The following FARS2 variants were observed in gnomAD, a reference collection of about 807,000 sequenced individuals.
FARS2 encodes phenylalanine--tRNA ligase, mitochondrial.
Under a neutral mutation model 46.4 loss-of-function variants are expected in FARS2, and 40 were observed. The ratio of observed to expected loss-of-function variants is 0.86; its 90% CI spans 0.67 to 1.12. FARS2 has a LOEUF of 1.12. FARS2 is among the 50% of genes most tolerant of loss of function. The pLI is 0.00. For missense variants in FARS2, 513 were observed against 567.9 expected (o/e 0.90, Z 0.98); for synonymous variants, 234 against 214.9 (o/e 1.09, Z -0.78).
intron 6 of FARS2, among the ~76,000 whole-genome samples, chr6:5,657,980 T>G (rs919389714): frequency 1.3e-5 from 2 of 152,118 alleles, no homozygotes; most frequent in African/African-American, 4.8e-5. Flanking sequence ...TTGTGAAGAT[T>G]AGAAATAAGA....
chr6:5,689,101 T>C (rs4959351), intron 6 of FARS2, among the ~76,000 whole-genome samples: 59,360 of 151,972 alleles, frequency 0.39, 13,091 homozygotes, highest in Non-Finnish European at 0.5. Context: ...TTTTCTTCTT[T>C]ATTAGTCTTG....
At chr6:5,265,625 T>TA (rs1472756563) in intron 1 of FARS2, among the ~76,000 whole-genome samples, 1 of 152,236 alleles carries the variant, frequency 6.6e-6, no homozygotes, top group East Asian at 1.9e-4. Context: ...CAATTTAAGT[T>TA]ACTGTTGTTG....
intron 1 of FARS2, among the ~76,000 whole-genome samples, chr6:5,299,166 G>T (rs537586042): frequency 6.6e-6 from 1 of 152,274 alleles, no homozygotes; most frequent in East Asian, 1.9e-4. Flanking sequence ...GGTTTTGATG[G>T]CAGTTTCATT....
intron 5 of FARS2, among the ~76,000 whole-genome samples, 173 bp downstream of exon 5, chr6:5,545,513 A>G (rs565607563): frequency 1.8e-4 from 27 of 152,266 alleles, no homozygotes; most frequent in Admixed American, 7.2e-4. Flanking sequence ...GCATAGGTAT[A>G]CGTGTGCCAT....
intron 5 of FARS2, among the ~76,000 whole-genome samples, chr6:5,573,740 C>A (rs1473938119): frequency 6.6e-6 from 1 of 152,126 alleles, no homozygotes; most frequent in African/African-American, 2.4e-5. Context: ...GAACACTTTC[C>A]AGGCATGGGA....
chr6:5,658,463 T>C (rs889691988), intron 6 of FARS2, among the ~76,000 whole-genome samples: 1 of 152,164 alleles, frequency 6.6e-6, no homozygotes, highest in African/African-American at 2.4e-5. Context: ...CACTGAGCTA[T>C]TCAAATGTAC....
At chr6:5,503,403 CACAGAGAGAGAGAGAG>C (rs1767922989) in intron 4 of FARS2, among the ~76,000 whole-genome samples, 2 of 74,302 alleles carry the variant, frequency 2.7e-5, no homozygotes, top group Admixed American at 2.6e-4. Flanking sequence ...CACACACACA[CACAGAGAGAGAGAGAG>C]AGAGAGAGAG....
intron 4 of FARS2, among the ~76,000 whole-genome samples, chr6:5,435,017 T>C (rs1326189401): frequency 2.6e-5 from 4 of 152,194 alleles, no homozygotes; most frequent in Non-Finnish European, 5.9e-5. Context: ...TTAACCATGA[T>C]AACAAGGTTC....
At chr6:5,365,264 G>A (rs893887261) in intron 1 of FARS2, among the ~76,000 whole-genome samples, 3 of 146,498 alleles carry the variant, frequency 2.0e-5, no homozygotes, top group African/African-American at 7.5e-5. Context: ...GGTCCTTGCA[G>A]AGATACCATT....
intron 6 of FARS2, among the ~76,000 whole-genome samples, chr6:5,732,323 T>G (rs1319876287): frequency 6.6e-6 from 1 of 152,070 alleles, no homozygotes; most frequent in Non-Finnish European, 1.5e-5. Flanking sequence ...TGGAGGGCAG[T>G]GACCCAGGTG....
At chr6:5,392,522 G>C (rs1760583251) in intron 2 of FARS2, among the ~76,000 whole-genome samples, 1 of 151,958 alleles carries the variant, frequency 6.6e-6, no homozygotes, top group African/African-American at 2.4e-5. Context: ...GGGTTTGATA[G>C]GAGAGTTATA....
chr6:5,674,193 T>TAAAA (rs71540878), intron 6 of FARS2, among the ~76,000 whole-genome samples: 112 of 76,240 alleles, frequency 1.5e-3, no homozygotes, highest in East Asian at 3.0e-3. Flanking sequence ...GCATTCTCAT[T>TAAAA]AAAAAAAAAA....
At chr6:5,715,011 C>T (rs1224923154) in intron 6 of FARS2, among the ~76,000 whole-genome samples, 6 of 152,030 alleles carry the variant, frequency 3.9e-5, no homozygotes, top group East Asian at 1.9e-4. Context: ...GGCAACAGAG[C>T]GAGATTTCAT....
intron 6 of FARS2, among the ~76,000 whole-genome samples, chr6:5,644,649 C>G (rs1776988461): frequency 6.6e-6 from 1 of 152,220 alleles, no homozygotes; most frequent in Non-Finnish European, 1.5e-5. Flanking sequence ...CGTGAGTCAC[C>G]TCGAAAACAT....
At chr6:5,261,820 C>G (rs1264610357) in intron 1 of FARS2, among the ~76,000 whole-genome samples, 160 bp downstream of exon 1, 2 of 152,154 alleles carry the variant, frequency 1.3e-5, no homozygotes, top group African/African-American at 4.8e-5. Context: ...TAAAATGCAG[C>G]TTGGGTTGTA....
At chr6:5,342,829 A>G (rs1308976151) in intron 1 of FARS2, among the ~76,000 whole-genome samples, 6 of 152,162 alleles carry the variant, frequency 3.9e-5, no homozygotes, top group Non-Finnish European at 7.4e-5. Context: ...ACATATCCCA[A>G]ATTCCAAGAC....
intron 2 of FARS2, among the ~76,000 whole-genome samples, chr6:5,382,760 A>G (rs983800603): frequency 3.9e-5 from 6 of 152,202 alleles, no homozygotes; most frequent in Non-Finnish European, 8.8e-5. Flanking sequence ...AACCGAACCA[A>G]TAGGATATAG....
chr6:5,739,847 C>T (rs914675490), intron 6 of FARS2, among the ~76,000 whole-genome samples: 1 of 152,208 alleles, frequency 6.6e-6, no homozygotes, highest in African/African-American at 2.4e-5. Flanking sequence ...GGGTCTACAT[C>T]CAGACCCTCT....
intron 3 of FARS2, among the ~76,000 whole-genome samples, chr6:5,426,385 T>C (rs1248703924): frequency 6.6e-6 from 1 of 152,202 alleles, no homozygotes; most frequent in East Asian, 1.9e-4. Flanking sequence ...ATACTTGACA[T>C]GTGAAATAAG....
Sources: allele counts gnomAD v4.1 joint callset (sites outside exome capture counted in the v4.1 genomes callset), GRCh38; gene constraint gnomAD v4.1.1; transcripts MANE v1.5; gene names NCBI Gene and HGNC (gene_info 2026-07-23, HGNC 2026-07-21).